Variants in PATJ observed in about 807,000 individuals in gnomAD.
PATJ encodes PATJ crumbs cell polarity complex component.
Under a neutral mutation model 224.9 loss-of-function variants are expected in PATJ, and 190 were observed. That is an observed-to-expected ratio of 0.84 (90% CI 0.75 to 0.95). The LOEUF (loss-of-function observed/expected upper bound fraction) is 0.95. Among genes scored for constraint, PATJ ranks in the 40% least tolerant of loss-of-function variants. The pLI, the probability that PATJ is intolerant of heterozygous loss-of-function variation, is 0.00. For synonymous variants in PATJ, 769 were observed against 820.3 expected, an observed-to-expected ratio of 0.94 and a Z score of 1.07; for missense variants, 2,121 against 2,270.3, an observed-to-expected ratio of 0.93 and a Z score of 1.34.
At chr1:62,084,377 C>A in intron 32 of PATJ, 138 bp from the exon 33 acceptor site, 1 of 836,914 alleles carries the variant, frequency 1.2e-6, no homozygotes, top group Non-Finnish European at 1.8e-6. Flanking sequence ...AATGACCCAG[C>A]TTTTTGCTTC....
At chr1:61,767,578 G>A (rs1476760100) in intron 4 of PATJ, among the ~76,000 whole-genome samples, 2 of 151,954 alleles carry the variant, frequency 1.3e-5, no homozygotes, top group Non-Finnish European at 2.9e-5. Context: ...TTAAGTTGCA[G>A]TGTTAAATAG....
At chr1:62,152,764 G>A (rs959481060) in intron 42 of PATJ, among the ~76,000 whole-genome samples, 18 of 152,174 alleles carry the variant, frequency 1.2e-4, no homozygotes, top group African/African-American at 4.3e-4. Context: ...CACCACACTA[G>A]GAGACACGCT....
chr1:62,155,136 T>A lies in PATJ; in HGVS notation c.5502+1655T>A, dbSNP rs1300357248. On this transcript the variant is annotated intron_variant, in intron 43 of 43. Coordinates refer to ENST00000642238, the MANE Select transcript of PATJ (RefSeq NM_001350145.3). ...CTTTTGAAATAGCCAGCTATGTAGA[T>A]AAGGACAGTGGGAAGGCTGCAGAGT... Among the ~76,000 whole-genome samples the A allele has an allele frequency of 2.0e-5, 3 of 152,160 alleles. No homozygotes were observed. The East Asian group carries it at 5.8e-4, about 29-fold the overall frequency.
intron 7 of PATJ, among the ~76,000 whole-genome samples, chr1:61,782,567 A>G (rs1238576523): frequency 6.6e-6 from 1 of 152,200 alleles, no homozygotes; most frequent in Non-Finnish European, 1.5e-5. Flanking sequence ...ATTTATTTTA[A>G]AAAATTGATT....
chr1:61,768,623 G>A (rs959207935), intron 4 of PATJ, among the ~76,000 whole-genome samples: 8 of 151,874 alleles, frequency 5.3e-5, no homozygotes, highest in Non-Finnish European at 1.2e-4. Context: ...TTTGCGGCTG[G>A]GCACTGTGGC....
intron 41 of PATJ, among the ~76,000 whole-genome samples, chr1:62,135,773 A>G (rs1666795901): frequency 6.6e-6 from 1 of 152,194 alleles, no homozygotes; most frequent in African/African-American, 2.4e-5. Context: ...AGTGTGATGT[A>G]AAGTGTCTAA....
intron 31 of PATJ, among the ~76,000 whole-genome samples, chr1:62,066,368 A>C (rs1656420255): frequency 6.6e-6 from 1 of 151,800 alleles, no homozygotes. Context: ...TTGAAGGACA[A>C]GGTAACGTGC....
At chr1:62,098,217 G>A (rs1380350336) in intron 33 of PATJ, among the ~76,000 whole-genome samples, 4 of 151,960 alleles carry the variant, frequency 2.6e-5, no homozygotes, top group Non-Finnish European at 4.4e-5. Context: ...AAATTAGCCA[G>A]GCATGGTGGT....
intron 25 of PATJ, among the ~76,000 whole-genome samples, chr1:61,912,170 C>T (rs1470175994): frequency 2.0e-5 from 3 of 152,106 alleles, no homozygotes; most frequent in East Asian, 1.9e-4. Context: ...ATATTAATCA[C>T]CTATAAATAT....
At chr1:62,135,746 C>T (rs1666794219) in intron 41 of PATJ, among the ~76,000 whole-genome samples, 1 of 152,120 alleles carries the variant, frequency 6.6e-6, no homozygotes, top group South Asian at 2.1e-4. Context: ...AAAAAGGTTG[C>T]TCTGAGGATT....
chr1:62,127,699 C>T (rs1390211629), intron 39 of PATJ, among the ~76,000 whole-genome samples: 2 of 152,124 alleles, frequency 1.3e-5, no homozygotes, highest in East Asian at 1.9e-4. Flanking sequence ...CCTAGCTACT[C>T]AGGAGGCTGA....
chr1:61,871,444 C>CATATATATGCGTATATATGTATAT (rs1259803035), intron 20 of PATJ, among the ~76,000 whole-genome samples: 2 of 11,184 alleles, frequency 1.8e-4, no homozygotes, highest in Non-Finnish European at 1.9e-4. Flanking sequence ...TGTGTATATA[C>CATATATATGCGTATATATGTATAT]ACATATATAT....
intron 28 of PATJ, among the ~76,000 whole-genome samples, chr1:62,008,537 G>T (rs1240132632): frequency 1.3e-5 from 2 of 152,112 alleles, no homozygotes; most frequent in African/African-American, 2.4e-5. Flanking sequence ...CAAGTGGATC[G>T]CTTGAGTCCA....
chr1:62,053,213 C>A (rs78711496), intron 31 of PATJ, among the ~76,000 whole-genome samples: 2 of 152,160 alleles, frequency 1.3e-5, no homozygotes, highest in Admixed American at 1.3e-4. Flanking sequence ...TGCACTTCAC[C>A]AACAATTGAA....
chr1:62,020,650 A>G (rs894146484), intron 29 of PATJ, among the ~76,000 whole-genome samples: 4 of 152,236 alleles, frequency 2.6e-5, no homozygotes, highest in Non-Finnish European at 5.9e-5. Flanking sequence ...TTTGTTGACT[A>G]AATTAATGGT....
At chr1:61,796,676 TTC>T (rs1479491196) in intron 10 of PATJ, among the ~76,000 whole-genome samples, 1 of 24,838 alleles carries the variant, frequency 4.0e-5, no homozygotes, top group Admixed American at 6.0e-4. Flanking sequence ...CTTTCTTTCT[TTC>T]TTTCTTTCTT....
chr1:62,151,581 A>C lies in PATJ; in HGVS notation c.5379-1777A>C, dbSNP rs147389517. ...ACTGCAGCCTGGGTGACAGAGCGAG[A>C]CTCCGTCTCAAAAAAATAAATAAAT... is the stretch of plus-strand genomic sequence containing the variant. On this transcript the variant is annotated intron_variant, in intron 42 of 43. Coordinates refer to ENST00000642238, the MANE Select transcript of PATJ (RefSeq NM_001350145.3). Among the ~76,000 whole-genome samples the C allele has an allele frequency of 7.3e-3, 1,106 of 152,152 alleles. 8 individuals are homozygous for C. Among genetic ancestry groups the C allele is most frequent in the Non-Finnish European group, 0.011 (781 of 68,010 alleles).
At chr1:62,140,495 A>G (rs951339301) in intron 41 of PATJ, among the ~76,000 whole-genome samples, 5 of 152,084 alleles carry the variant, frequency 3.3e-5, no homozygotes, top group Non-Finnish European at 7.3e-5. Flanking sequence ...TCTACTAAAA[A>G]TACAAAAATT....
intron 33 of PATJ, among the ~76,000 whole-genome samples, chr1:62,106,154 GTGTGTA>G (rs1662976854): frequency 2.1e-5 from 1 of 48,464 alleles, no homozygotes; most frequent in African/African-American, 8.4e-5. Context: ...ATGTGTGTGT[GTGTGTA>G]TATATATATA....
Sources: allele counts gnomAD v4.1 joint callset (sites outside exome capture counted in the v4.1 genomes callset), GRCh38; gene constraint gnomAD v4.1.1; transcripts MANE v1.5; gene names NCBI Gene and HGNC (gene_info 2026-07-23, HGNC 2026-07-21).